The following ZNF185 variants were observed in gnomAD, a reference collection of about 807,000 sequenced individuals.
ZNF185 encodes the protein zinc finger protein 185.
ZNF185 carries 56 observed loss-of-function variants against 58.6 expected under a neutral mutation model. The observed-to-expected ratio is 0.95, with a 90% CI of 0.77 to 1.19. The LOEUF (loss-of-function observed/expected upper bound fraction) is 1.19. Ranked by LOEUF, ZNF185 falls within the 50% of genes most tolerant of loss-of-function variation. ZNF185 has a pLI of 0.00. For synonymous variants in ZNF185, 230 were observed against 215.9 expected (o/e 1.07, Z -0.57); for missense variants, 627 against 573.5 (o/e 1.09, Z -0.95).
intron 16 of ZNF185, among the ~76,000 whole-genome samples, chrX:152,951,665 TATC>T (rs1390395892): frequency 8.9e-6 from 1 of 111,801 alleles, no homozygotes; most frequent in East Asian, 2.8e-4. Flanking sequence ...AATTTTGAAA[TATC>T]ATATACCAGC....
exon 14 of ZNF185, chrX:152,932,925 C>T (rs377358164): frequency 2.4e-5 from 29 of 1,203,995 alleles, no homozygotes; most frequent in African/African-American, 8.7e-5. Flanking sequence ...CACGGGCTCC[C>T]GGCCTGAAGG....
the ZNF185 span, among the ~76,000 whole-genome samples, chrX:152,905,853 A>G: frequency 0.034 from 3,724 of 110,516 alleles, 167 homozygotes; most frequent in African/African-American, 0.11. Flanking sequence ...CCTCCCCTCC[A>G]GGGACTCCCC....
intron 11 of ZNF185, among the ~76,000 whole-genome samples, chrX:152,927,121 G>A (rs1941006465): frequency 8.9e-6 from 1 of 112,481 alleles, no homozygotes; most frequent in South Asian, 3.7e-4. Context: ...AAAATATGTT[G>A]TGCTTGCCTG....
chrX:152,910,453 GGCT>G (rs1474970402), upstream of ZNF185, among the ~76,000 whole-genome samples: 1 of 112,011 alleles, frequency 8.9e-6, no homozygotes, highest in Admixed American at 9.4e-5. Context: ...CTGCTTTACG[GGCT>G]GCTTTTCACT....
chrX:152,938,567 G>T (rs2046645604), intron 15 of ZNF185, among the ~76,000 whole-genome samples: 1 of 111,250 alleles, frequency 9.0e-6, no homozygotes, highest in Admixed American at 9.5e-5. Context: ...CATGGGGACT[G>T]TATGTAGCTG....
intron 14 of ZNF185, 113 bp from the exon 17 acceptor site, chrX:152,937,961 A>T: frequency 1.5e-6 from 1 of 669,297 alleles, no homozygotes; most frequent in Non-Finnish European, 2.3e-6. Flanking sequence ...ACCAGCCTTT[A>T]CTGGAAGACA....
At chrX:152,959,958 A>C in intron 17 of ZNF185, 62 bp downstream of exon 19, 1 of 1,068,693 alleles carries the variant, frequency 9.4e-7, no homozygotes. Context: ...CCAGGGCAGC[A>C]ACCCAGGACA....
chrX:152,919,167 T>C, intron 7 of ZNF185, 86 bp downstream of exon 8: 2 of 767,136 alleles, frequency 2.6e-6, no homozygotes, highest in Non-Finnish European at 3.9e-6. Flanking sequence ...TTGTACTGGT[T>C]GGGGTGACAA....
At chrX:152,973,132 C>T (rs1556921060) in exon 23 of ZNF185, 1 of 111,781 alleles carries the variant, frequency 8.9e-6, no homozygotes, top group Non-Finnish European at 1.9e-5. Context: ...AAATAAAAGT[C>T]ACCCCGTTGG....
chrX:152,970,689 C>T, intron 22 of ZNF185, 148 bp downstream of exon 24: 1 of 445,347 alleles, frequency 2.2e-6, no homozygotes, highest in East Asian at 4.0e-5. Flanking sequence ...TCCTCATGTC[C>T]CTATGCCTTG....
At chrX:152,917,137 G>C in exon 4 of ZNF185, 1 of 1,211,348 alleles carries the variant, frequency 8.3e-7, no homozygotes, top group Non-Finnish European at 1.1e-6. Flanking sequence ...GCAGGCCTCC[G>C]AGCACAAGGG....
At chrX:152,916,855 G>A (rs1424697289) in intron 3 of ZNF185, among the ~76,000 whole-genome samples, 2 of 112,722 alleles carry the variant, frequency 1.8e-5, no homozygotes, top group African/African-American at 6.4e-5. Context: ...AGGAGAAGCT[G>A]GACTTTGGAG....
At chrX:152,964,627 C>T (rs1556913134) in intron 18 of ZNF185, among the ~76,000 whole-genome samples, 2 of 112,064 alleles carry the variant, frequency 1.8e-5, no homozygotes, top group African/African-American at 6.5e-5. Flanking sequence ...GCCCCACCTC[C>T]AACACTGGGA....
the ZNF185 span, among the ~76,000 whole-genome samples, chrX:152,907,755 C>T: frequency 1.8e-5 from 2 of 112,853 alleles, no homozygotes; most frequent in Admixed American, 9.3e-5. Context: ...AGTGTGGCCA[C>T]ATCTTGTGGG....
intron 16 of ZNF185, among the ~76,000 whole-genome samples, chrX:152,954,117 CAAAAAACATCACAAAATAATAAA>C (rs1282651033): frequency 1.9e-5 from 2 of 106,893 alleles, no homozygotes; most frequent in Non-Finnish European, 3.8e-5. Flanking sequence ...CAAAATAATA[CAAAAAACATCACAAAATAATAAA>C]AAAAAAAAAG....
intron 19 of ZNF185, 146 bp from the exon 22 acceptor site, chrX:152,967,021 G>T: frequency 1.9e-6 from 1 of 513,339 alleles, no homozygotes. Flanking sequence ...CCCCCCCATA[G>T]AAGGGCCCTG....
chrX:152,923,942 C>T (rs928457809), intron 11 of ZNF185, among the ~76,000 whole-genome samples: 1 of 111,197 alleles, frequency 9.0e-6, no homozygotes, highest in Non-Finnish European at 1.9e-5. Context: ...TGTACCACAC[C>T]CTGGGGCGCT....
At chrX:152,935,511 C>G (rs1187044156) in intron 14 of ZNF185, among the ~76,000 whole-genome samples, 1 of 112,554 alleles carries the variant, frequency 8.9e-6, no homozygotes, top group Non-Finnish European at 1.9e-5. Flanking sequence ...GCTGGGATTA[C>G]AGGCGTGAGC....
At chrX:152,937,967 A>G (rs2046542880) in intron 14 of ZNF185, 107 bp from the exon 17 acceptor site, 13 of 717,160 alleles carry the variant, frequency 1.8e-5, no homozygotes, top group Non-Finnish European at 2.7e-5. Flanking sequence ...CTTTACTGGA[A>G]GACACAGTTC....
Sources: allele counts gnomAD v4.1 joint callset (sites outside exome capture counted in the v4.1 genomes callset), GRCh38; gene constraint gnomAD v4.1.1; transcripts MANE v1.5; gene names NCBI Gene and HGNC (gene_info 2026-07-23, HGNC 2026-07-21).